SUGCT: variants seen among roughly 807,000 people sequenced by gnomAD.
SUGCT encodes succinyl-CoA:glutarate-CoA transferase.
Under a neutral mutation model 55.0 loss-of-function variants are expected in SUGCT, and 41 were observed. That is an observed-to-expected ratio of 0.74 (90% CI 0.58 to 0.97). The LOEUF (loss-of-function observed/expected upper bound fraction) is 0.97, where lower values mean the gene tolerates loss of function less well. Among genes scored for constraint, SUGCT ranks in the 50% least tolerant of loss-of-function variants. The pLI is 0.00. For missense variants in SUGCT, 568 were observed against 547.8 expected (o/e 1.04, Z -0.37); for synonymous variants, 187 against 200.4 (o/e 0.93, Z 0.56).
At chr7:41,035,047 C>G in the SUGCT span, among the ~76,000 whole-genome samples, 1 of 152,172 alleles carries the variant, frequency 6.6e-6, no homozygotes, top group African/African-American at 2.4e-5. Context: ...GCCTTTGTCC[C>G]CAGCGGTGTT....
chr7:40,274,000 T>A (rs1792286598), intron 7 of SUGCT, among the ~76,000 whole-genome samples: 1 of 151,282 alleles, frequency 6.6e-6, no homozygotes, highest in Non-Finnish European at 1.5e-5. Context: ...TTTAAATTAT[T>A]AAGCAAACAC....
At chr7:40,816,415 A>AC (rs1791673480) in intron 13 of SUGCT, among the ~76,000 whole-genome samples, 3 of 152,158 alleles carry the variant, frequency 2.0e-5, no homozygotes, top group African/African-American at 7.2e-5. Flanking sequence ...GGCTTGGGAG[A>AC]AACAAAGTGT....
chr7:40,471,466 A>T (rs1790399690), intron 11 of SUGCT, among the ~76,000 whole-genome samples: 1 of 152,226 alleles, frequency 6.6e-6, no homozygotes, highest in Middle Eastern at 3.4e-3. Flanking sequence ...TGAAGAAGAG[A>T]TTATATGCAT....
the SUGCT span, among the ~76,000 whole-genome samples, chr7:40,874,355 A>G: frequency 5.3e-4 from 80 of 152,370 alleles, 3 homozygotes; most frequent in South Asian, 0.016. Flanking sequence ...AGGGGCCTAG[A>G]TGAGAGATAG....
chr7:40,245,423 A>ATATATTTTTTTTTTTT (rs1344678220), intron 7 of SUGCT, among the ~76,000 whole-genome samples: 3 of 54,602 alleles, frequency 5.5e-5, no homozygotes, highest in African/African-American at 8.9e-5. Flanking sequence ...ATATATATAT[A>ATATATTTTTTTTTTTT]TTTTTTTTTT....
At chr7:40,772,494 ATATCTATCTATCTATCTATCTATCTATC>A (rs70990644) in intron 13 of SUGCT, among the ~76,000 whole-genome samples, 77 of 99,414 alleles carry the variant, frequency 7.7e-4, no homozygotes, top group East Asian at 1.9e-3. Flanking sequence ...TTCTTTTGAA[ATATCTATCTATCTATCTATCTATCTATC>A]TATCTATCTA....
intron 6 of SUGCT, among the ~76,000 whole-genome samples, chr7:40,218,975 C>G (rs1006838523): frequency 6.6e-6 from 1 of 152,138 alleles, no homozygotes; most frequent in Non-Finnish European, 1.5e-5. Flanking sequence ...TACATTCTTT[C>G]GCTCCTTGCA....
At chr7:40,143,903 G>C (rs552134486) in intron 1 of SUGCT, among the ~76,000 whole-genome samples, 1 of 152,298 alleles carries the variant, frequency 6.6e-6, no homozygotes, top group East Asian at 1.9e-4. Context: ...TTGAGGGTTC[G>C]AGATAATAAC....
chr7:40,569,342 G>T (rs138159615), intron 12 of SUGCT, among the ~76,000 whole-genome samples: 2 of 152,058 alleles, frequency 1.3e-5, no homozygotes, highest in Non-Finnish European at 2.9e-5. Flanking sequence ...TCATCCTTTC[G>T]CTCAGTATCT....
At chr7:40,430,240 C>T (rs1261911603) in intron 9 of SUGCT, among the ~76,000 whole-genome samples, 1 of 152,096 alleles carries the variant, frequency 6.6e-6, no homozygotes, top group East Asian at 1.9e-4. Context: ...AAGAAATGTC[C>T]ATACTGCTTT....
intron 13 of SUGCT, among the ~76,000 whole-genome samples, chr7:40,781,093 C>A (rs1421010756): frequency 6.6e-6 from 1 of 152,056 alleles, no homozygotes; most frequent in Non-Finnish European, 1.5e-5. Flanking sequence ...TTTTTCTTCT[C>A]CATGTACAGT....
chr7:40,171,964 CTCTT>C (rs1478764929), intron 1 of SUGCT, among the ~76,000 whole-genome samples: 1 of 152,168 alleles, frequency 6.6e-6, no homozygotes, highest in African/African-American at 2.4e-5. Context: ...TTGTGTATCT[CTCTT>C]TCTCTCTTTT....
intron 12 of SUGCT, among the ~76,000 whole-genome samples, chr7:40,737,936 A>C (rs994012401): frequency 1.3e-5 from 2 of 151,778 alleles, no homozygotes; most frequent in Non-Finnish European, 2.9e-5. Flanking sequence ...AAAAAAACAA[A>C]AAAAAAGGCC....
At chr7:40,939,095 G>T in the SUGCT span, among the ~76,000 whole-genome samples, 174 of 152,286 alleles carry the variant, frequency 1.1e-3, no homozygotes, top group African/African-American at 4.0e-3. Flanking sequence ...ACAAAAGAAA[G>T]ATGTTTAATT....
chr7:41,021,312 G>A, the SUGCT span, among the ~76,000 whole-genome samples: 7 of 152,246 alleles, frequency 4.6e-5, no homozygotes, highest in Middle Eastern at 3.4e-3. Context: ...GGAATTCAGA[G>A]CTAAAAAGAC....
At chr7:40,592,024 T>C (rs1797751243) in intron 12 of SUGCT, among the ~76,000 whole-genome samples, 1 of 152,210 alleles carries the variant, frequency 6.6e-6, no homozygotes, top group Non-Finnish European at 1.5e-5. Context: ...CTCCAAGGTA[T>C]GCCTATATTT....
chr7:40,941,452 TA>T, the SUGCT span, among the ~76,000 whole-genome samples: 1 of 152,232 alleles, frequency 6.6e-6, no homozygotes, highest in African/African-American at 2.4e-5. Flanking sequence ...GATTTTGACT[TA>T]AAAAAATTTA....
intron 12 of SUGCT, among the ~76,000 whole-genome samples, chr7:40,572,630 GT>G (rs1796512843): frequency 6.6e-6 from 1 of 152,088 alleles, no homozygotes; most frequent in African/African-American, 2.4e-5. Context: ...AGCGTTTGGG[GT>G]AAATCCTTCA....
intron 8 of SUGCT, among the ~76,000 whole-genome samples, chr7:40,301,695 A>G (rs183122431): frequency 1.9e-4 from 29 of 152,348 alleles, no homozygotes; most frequent in Non-Finnish European, 2.9e-4. Flanking sequence ...ATGGCCAGAG[A>G]AGGACTGTGC....
Sources: allele counts gnomAD v4.1 joint callset (sites outside exome capture counted in the v4.1 genomes callset), GRCh38; gene constraint gnomAD v4.1.1; transcripts MANE v1.5; gene names NCBI Gene and HGNC (gene_info 2026-07-23, HGNC 2026-07-21).